DSG4: variants seen among roughly 807,000 people sequenced by gnomAD.
DSG4 encodes desmoglein 4.
In DSG4, 87 loss-of-function variants were observed where a neutral mutation model predicts 93.1. The observed-to-expected ratio is 0.93, with a 90% CI of 0.79 to 1.12. The LOEUF (loss-of-function observed/expected upper bound fraction) is 1.12, where lower values mean the gene tolerates loss of function less well. DSG4 is among the 50% of genes most tolerant of loss of function. DSG4 has a pLI of 0.00. For missense variants in DSG4, 1,373 were observed against 1,285.7 expected (o/e 1.07, Z -1.04); for synonymous variants, 432 against 452.9 (o/e 0.95, Z 0.59).
chr18:31,407,465 T>C lies in DSG4; in HGVS notation c.1933+1092T>C, dbSNP rs528253023. Among the ~76,000 whole-genome samples the C allele has an allele frequency of 1.3e-4, 19 of 150,646 alleles. No homozygotes were observed. In the South Asian group the frequency reaches 2.3e-3, roughly 18 times the overall value. On this transcript the variant is annotated intron_variant, in intron 12 of 15. Coordinates refer to ENST00000308128, the MANE Select transcript of DSG4 (RefSeq NM_177986.5). The stretch of plus-strand genomic sequence containing the variant: ...CCCAAAAAGGGCCCTCCTTTCCCCA[T>C]AGAGTTTTTTTAAACATATAGATCC...
In DSG4 at chr18:31,390,697, G is replaced by A. The variant is rs1180274841; in HGVS notation, c.559G>A (p.Glu187Lys). The A allele has an allele frequency of 1.9e-6, 3 of 1,613,570 alleles. No individual in the cohort carries two copies. The highest frequency in any genetic ancestry group is 2.5e-6 in the Non-Finnish European group (3 of 1,179,724). Residue 187 changes from glutamate to lysine, a missense_variant, in exon 6 of 16, where the codon GAA becomes AAA. Glu to Lys is a moderately conservative substitution (Grantham distance 56). Transcript: ENST00000308128. ...VKLCATDADE[E>K]NHLNSKIAYK... is the part of the protein sequence containing the mutation. ...GTTATGTGCCACAGATGCAGATGAA[G>A]AAAATCATCTGAATTCTAAAATTGC... is the stretch of plus-strand genomic sequence containing the variant.
In DSG4 at chr18:31,413,168, C is replaced by A; in HGVS notation, c.2696C>A (p.Pro899His). The change falls in exon 16 of 16, where the codon CCC (proline) becomes CAC (histidine). Residue 899 changes from proline to histidine, a missense_variant. Pro to His is a moderately conservative substitution (Grantham distance 77). Coordinates refer to ENST00000308128, the MANE Select transcript of DSG4 (RefSeq NM_177986.5). ...CAAGAAGAAATGGCAGCATCTGAAC[C>A]CGTGGTCCATGGGGATATTATTGTG... ...EFQEEMAASE[P>H]VVHGDIIVTE... 6.2e-7 allele frequency: 1 copy of A among 1,614,098 alleles called. No homozygotes were observed. The highest frequency in any genetic ancestry group is 1.3e-5 in the African/African-American group (1 of 75,018).
chr18:31,405,931 A>T (rs78323087), intron 11 of DSG4, 146 bp from the exon 12 acceptor site: 6,219 of 603,296 alleles, frequency 0.01, 293 homozygotes, highest in African/African-American at 0.1. Context: ...AATAAATGTT[A>T]AAAAAAAGTA....
At chr18:31,403,915 A>G (rs1165397498) in intron 11 of DSG4, among the ~76,000 whole-genome samples, 4 of 152,196 alleles carry the variant, frequency 2.6e-5, no homozygotes, top group Admixed American at 1.3e-4. Flanking sequence ...ACGTTGAACC[A>G]ATATTTATTC....
At position 31,411,348 on chromosome 18, in the gene DSG4, C is replaced by A. The variant is rs373810958; in HGVS notation, c.2255C>A (p.Ala752Asp). The part of the protein sequence containing the change: ...VGLMAAGAAG[A>D]SGAARKRSST... ...CTCATGGCCGCAGGGGCCGCAGGAGCCTCAGGGGCCGCAAGGAAGAGGAGC... is the reference window on the plus strand; with the variant it reads ...CTCATGGCCGCAGGGGCCGCAGGAGACTCAGGGGCCGCAAGGAAGAGGAGC... Residue 752 changes from alanine (A) to aspartate (D), a missense_variant, in exon 15 of 16, where the codon GCC becomes GAC. Transcript: ENST00000308128. 9 of 1,614,094 alleles carry A rather than the reference C, an allele frequency of 5.6e-6. No homozygotes were observed. In the African/African-American group the frequency reaches 9.3e-5, roughly 17 times the overall value.
chr18:31,383,354 C>T (rs1272302970), intron 1 of DSG4, among the ~76,000 whole-genome samples: 1 of 152,150 alleles, frequency 6.6e-6, no homozygotes, highest in Non-Finnish European at 1.5e-5. Context: ...GACTGTAAAT[C>T]AATGACTTCC....
chr18:31,392,795 G>C (rs1265260036), intron 8 of DSG4, among the ~76,000 whole-genome samples: 1 of 152,172 alleles, frequency 6.6e-6, no homozygotes, highest in African/African-American at 2.4e-5. Context: ...TTATAGCTAA[G>C]ATTGCTAATG....
intron 4 of DSG4, 23 bp downstream of exon 4, chr18:31,388,545 G>T: frequency 6.2e-7 from 1 of 1,612,516 alleles, no homozygotes. Flanking sequence ...CATATGTTTT[G>T]ATTTGTTCAT....
intron 7 of DSG4, among the ~76,000 whole-genome samples, chr18:31,391,772 G>A (rs149217264): frequency 6.6e-6 from 1 of 152,128 alleles, no homozygotes; most frequent in Non-Finnish European, 1.5e-5. Flanking sequence ...CAGCAGACGT[G>A]AGGGGTTGCA....
intron 1 of DSG4, among the ~76,000 whole-genome samples, chr18:31,378,017 G>A (rs2072095609): frequency 6.6e-6 from 1 of 152,190 alleles, no homozygotes; most frequent in South Asian, 2.1e-4. Context: ...GGCACAGTGA[G>A]AGCTACTCTT....
intron 1 of DSG4, among the ~76,000 whole-genome samples, chr18:31,380,232 A>T (rs1331128003): frequency 6.6e-6 from 1 of 152,192 alleles, no homozygotes. Flanking sequence ...AAAAGATTTC[A>T]TGGCCCTTGG....
intron 1 of DSG4, among the ~76,000 whole-genome samples, chr18:31,379,403 T>A (rs553044249): frequency 6.6e-6 from 1 of 152,212 alleles, no homozygotes; most frequent in African/African-American, 2.4e-5. Context: ...GGCTCATAAA[T>A]AGTTTTCATA....
chr18:31,388,913 G>C lies in DSG4; in HGVS notation c.412G>C (p.Glu138Gln). The change falls in exon 5 of 16, where the codon GAA becomes CAA. Residue 138 changes from glutamate (E) to glutamine (Q), a missense_variant. Transcript: ENST00000308128. ...TCTGAATTCACGGGGTGAAGATTTA[G>C]AAAGGCCTCTTGAGCTTAGAGTCAA... Reference protein sequence around the residue: ...RALNSRGEDLERPLELRVKVM... With the variant: ...RALNSRGEDLQRPLELRVKVM... 1 of 1,613,618 alleles carries C rather than the reference G, an allele frequency of 6.2e-7. No homozygotes were observed. Among genetic ancestry groups the C allele is most frequent in the Non-Finnish European group, 8.5e-7 (1 of 1,179,670 alleles).
At position 31,409,539 on chromosome 18, in the gene DSG4, G is replaced by A; in HGVS notation, c.2021G>A (p.Gly674Glu). The change falls in exon 13 of 16, where the codon GGA (glycine) becomes GAA (glutamate). Residue 674 changes from glycine to glutamate, a missense_variant. Transcript: ENST00000308128. ...GTRFAPVPEG[G>E]EGVMQSWRIE... ...AGATTTGCTCCTGTGCCTGAGGGCG[G>A]AGAAGGAGTGATGCAGTCTTGGAGA... 6.2e-7 allele frequency: 1 copy of A among 1,614,178 alleles called. No homozygotes were observed.
chr18:31,389,370 G>T (rs2072224623), intron 5 of DSG4, among the ~76,000 whole-genome samples: 1 of 152,108 alleles, frequency 6.6e-6, no homozygotes, highest in Non-Finnish European at 1.5e-5. Flanking sequence ...TACTCAAAAT[G>T]TTTGGCTGAC....
chr18:31,398,026 C>CAAA (rs58572396), intron 8 of DSG4, among the ~76,000 whole-genome samples: 6 of 80,768 alleles, frequency 7.4e-5, no homozygotes, highest in Non-Finnish European at 4.9e-5. Context: ...GACCCTGTCT[C>CAAA]AAAAAAAAAA....
rs1183411045 is a variant in DSG4 at position 31,390,660 on chromosome 18, A to G, written c.522A>G (p.Thr174=). ...ASIEENSDAN[T]LVVKLCATDA... ...CACCTCCATTTCTATTTCTAGATACATTGGTAGTAAAGTTATGTGCCACAG... is the reference window on the plus strand; with the variant it reads ...CACCTCCATTTCTATTTCTAGATACGTTGGTAGTAAAGTTATGTGCCACAG... Residue 174 remains threonine, a synonymous_variant, in exon 6 of 16, where the codon ACA becomes ACG. Transcript: ENST00000308128. The G allele has an allele frequency of 1.2e-6, 2 of 1,613,382 alleles. No homozygotes were observed. Among genetic ancestry groups the G allele is most frequent in the Non-Finnish European group, 1.7e-6 (2 of 1,179,552 alleles).
At chr18:31,380,462 C>T (rs139244249) in intron 1 of DSG4, among the ~76,000 whole-genome samples, 1 of 152,306 alleles carries the variant, frequency 6.6e-6, no homozygotes, top group Non-Finnish European at 1.5e-5. Flanking sequence ...GCAGCTCTGA[C>T]TACAGGGTGT....
chr18:31,406,966 CG>C (rs1465471777), intron 12 of DSG4, among the ~76,000 whole-genome samples: 2 of 151,864 alleles, frequency 1.3e-5, no homozygotes, highest in Non-Finnish European at 2.9e-5. Context: ...TTAGTAGAGA[CG>C]GGGTTTCACC....
Sources: allele counts gnomAD v4.1 joint callset (sites outside exome capture counted in the v4.1 genomes callset), GRCh38; gene constraint gnomAD v4.1.1; transcripts MANE v1.5; gene names NCBI Gene and HGNC (gene_info 2026-07-23, HGNC 2026-07-21).